Variants in PDZRN4 observed in about 807,000 individuals in gnomAD.
PDZRN4 encodes PDZ domain-containing RING finger protein 4.
PDZRN4 carries 70 observed loss-of-function variants against 99.0 expected under a neutral mutation model. The observed-to-expected ratio is 0.71, with a 90% CI of 0.58 to 0.86. The LOEUF is 0.86. Among genes scored for constraint, PDZRN4 ranks in the 40% least tolerant of loss-of-function variants. PDZRN4 has a pLI of 0.00. For missense variants in PDZRN4, 1,474 were observed against 1,331.2 expected (o/e 1.11, Z -1.67); for synonymous variants, 551 against 501.6 (o/e 1.10, Z -1.32).
intron 3 of PDZRN4, among the ~76,000 whole-genome samples, chr12:41,374,260 G>A (rs953813233): frequency 6.6e-6 from 1 of 152,120 alleles, no homozygotes; most frequent in Non-Finnish European, 1.5e-5. Context: ...TCAAAAAATG[G>A]CAGATAAGCC....
At chr12:41,302,689 T>C (rs1785112978) in intron 3 of PDZRN4, among the ~76,000 whole-genome samples, 1 of 152,154 alleles carries the variant, frequency 6.6e-6, no homozygotes. Context: ...TAAAAATTCT[T>C]CATTTATTCA....
In PDZRN4 at chr12:41,336,784, C is replaced by T. The variant is rs148538741; in HGVS notation, c.843+142596C>T. On this transcript the variant is annotated intron_variant, in intron 3 of 9. Transcript: ENST00000402685. ...AGGTTGAAGATGGAATCATGGGGGTCGCTGTGAGTTTTTCTTGCTGTCTTC... is the reference window on the plus strand; with the variant it reads ...AGGTTGAAGATGGAATCATGGGGGTTGCTGTGAGTTTTTCTTGCTGTCTTC... Among the ~76,000 whole-genome samples, 155 of 151,660 alleles carry T rather than the reference C, an allele frequency of 1.0e-3. 2 individuals carry two copies. The highest frequency in any genetic ancestry group is 6.3e-4 in the Non-Finnish European group (43 of 67,934).
At chr12:41,569,751 C>CT (rs1307402478) in intron 9 of PDZRN4, among the ~76,000 whole-genome samples, 1 of 152,158 alleles carries the variant, frequency 6.6e-6, no homozygotes, top group Non-Finnish European at 1.5e-5. Flanking sequence ...AGATTGCACA[C>CT]TATAGCATCA....
intron 3 of PDZRN4, among the ~76,000 whole-genome samples, chr12:41,204,025 A>G (rs1191684647): frequency 6.7e-6 from 1 of 148,206 alleles, no homozygotes; most frequent in East Asian, 2.0e-4. Flanking sequence ...AGTTGTCCAT[A>G]TATGAAGTAG....
intron 5 of PDZRN4, among the ~76,000 whole-genome samples, chr12:41,533,531 C>T (rs758278801): frequency 1.3e-5 from 2 of 152,110 alleles, no homozygotes; most frequent in Non-Finnish European, 2.9e-5. Context: ...TGCTGTTTGT[C>T]CAAAAGTATT....
intron 5 of PDZRN4, among the ~76,000 whole-genome samples, chr12:41,543,656 C>T (rs187723147): frequency 4.6e-5 from 7 of 152,190 alleles, no homozygotes; most frequent in East Asian, 1.9e-4. Flanking sequence ...GGCTTTTATT[C>T]GCTTTTTTGA....
chr12:41,390,062 G>C (rs1275731326), intron 3 of PDZRN4, among the ~76,000 whole-genome samples: 1 of 152,088 alleles, frequency 6.6e-6, no homozygotes, highest in Admixed American at 6.6e-5. Flanking sequence ...GCAAAGTAAG[G>C]GTGGTAAATC....
chr12:41,368,941 G>C (rs1472532909), intron 3 of PDZRN4, among the ~76,000 whole-genome samples: 1 of 152,026 alleles, frequency 6.6e-6, no homozygotes, highest in East Asian at 1.9e-4. Context: ...ATAAGTAAGA[G>C]AGTTACCCAA....
intron 5 of PDZRN4, among the ~76,000 whole-genome samples, chr12:41,547,648 TAAAAAC>T (rs1215621481): frequency 6.6e-6 from 1 of 151,920 alleles, no homozygotes; most frequent in Non-Finnish European, 1.5e-5. Flanking sequence ...AAAAATAAAA[TAAAAAC>T]AAAATGTATG....
At chr12:41,191,621 A>T in intron 2 of PDZRN4, 77 bp downstream of exon 2, 1 of 696,688 alleles carries the variant, frequency 1.4e-6, no homozygotes, top group East Asian at 2.7e-5. Context: ...CTTATAAAAT[A>T]ATAGAGGACT....
At chr12:41,554,314 A>G (rs1204898385) in intron 6 of PDZRN4, among the ~76,000 whole-genome samples, 1 of 152,200 alleles carries the variant, frequency 6.6e-6, no homozygotes, top group East Asian at 1.9e-4. Flanking sequence ...ACTTCCTTCT[A>G]GTAAGTCTCT....
chr12:41,443,485 C>A (rs1155220), intron 3 of PDZRN4, among the ~76,000 whole-genome samples: 77,336 of 151,832 alleles, frequency 0.51, 20,188 homozygotes, highest in African/African-American at 0.64. Context: ...AAGAATTTCC[C>A]ATCTTCCAAT....
rs530880042 is a variant in PDZRN4 at position 41,396,178 on chromosome 12, G to T, written c.844-110278G>T. ...CCAATTTATTAATTTTCATGTTACT[G>T]CAGGTAAAGGGGCTGTGAACGTTTT... On this transcript the variant is annotated intron_variant, in intron 3 of 9. Transcript: ENST00000402685. Among the ~76,000 whole-genome samples, 42 of 152,142 alleles carry T rather than the reference G, an allele frequency of 2.8e-4. 1 individual carries two copies. The highest frequency in any genetic ancestry group is 9.6e-4 in the African/African-American group (40 of 41,498).
At chr12:41,380,691 A>G (rs1244758618) in intron 3 of PDZRN4, among the ~76,000 whole-genome samples, 1 of 152,092 alleles carries the variant, frequency 6.6e-6, no homozygotes, top group Non-Finnish European at 1.5e-5. Flanking sequence ...TCCAATAACA[A>G]ATTATTATAA....
chr12:41,524,864 G>A (rs539092209), intron 5 of PDZRN4, among the ~76,000 whole-genome samples: 246 of 152,268 alleles, frequency 1.6e-3, no homozygotes, highest in African/African-American at 5.8e-3. Context: ...ATTCAGGTGA[G>A]AGCAGATGGT....
chr12:41,247,455 C>T (rs1951140456), intron 3 of PDZRN4, among the ~76,000 whole-genome samples: 1 of 152,114 alleles, frequency 6.6e-6, no homozygotes, highest in African/African-American at 2.4e-5. Flanking sequence ...ATTGAAATTA[C>T]CCAATATAAG....
chr12:41,191,419 T>C (rs775331256), intron 1 of PDZRN4, 39 bp from the exon 2 acceptor site: 2 of 999,484 alleles, frequency 2.0e-6, no homozygotes, highest in Non-Finnish European at 1.6e-6. Flanking sequence ...TTCTTTTATA[T>C]TTTTACCTGG....
chr12:41,552,822 A>G (rs1275707948), intron 6 of PDZRN4, 68 bp downstream of exon 6: 2 of 1,219,588 alleles, frequency 1.6e-6, no homozygotes, highest in Admixed American at 1.7e-5. Flanking sequence ...ATGACTCACA[A>G]TGAGAAAACC....
intron 3 of PDZRN4, among the ~76,000 whole-genome samples, chr12:41,434,042 A>G (rs1315472102): frequency 6.6e-6 from 1 of 152,238 alleles, no homozygotes; most frequent in Non-Finnish European, 1.5e-5. Flanking sequence ...CTTTTTTGGT[A>G]ATCATTTTCC....
Sources: gnomAD v4.1 joint callset for allele counts (sites outside exome capture counted in the v4.1 genomes callset) on GRCh38, gnomAD v4.1.1 for gene constraint, MANE v1.5 for transcripts, NCBI Gene and HGNC (gene_info 2026-07-23, HGNC 2026-07-21) for gene names.